TBC1D8: variants seen among roughly 807,000 people sequenced by gnomAD.
TBC1D8 encodes BUB2-like protein 1.
Under a neutral mutation model 118.8 loss-of-function variants are expected in TBC1D8, and 65 were observed. The ratio of observed to expected loss-of-function variants is 0.55; its 90% CI spans 0.45 to 0.67. The LOEUF (loss-of-function observed/expected upper bound fraction) is 0.67. TBC1D8 is among the 30% of genes least tolerant of loss of function. The pLI is 0.00. For missense variants in TBC1D8, 1,376 were observed against 1,471.2 expected (o/e 0.94, Z 1.06); for synonymous variants, 566 against 595.8 (o/e 0.95, Z 0.73).
chr2:101,068,460 A>C, intron 2 of TBC1D8: 1 of 366,154 alleles, frequency 2.7e-6, no homozygotes, highest in South Asian at 2.9e-5. Flanking sequence ...GCGAAAGTGA[A>C]GTCAATGTTC....
chr2:101,074,787 T>C (rs550256463), intron 2 of TBC1D8, among the ~76,000 whole-genome samples: 15 of 152,222 alleles, frequency 9.9e-5, no homozygotes, highest in South Asian at 4.2e-4. Context: ...AGTTTTACAG[T>C]TGAATTGGAA....
chr2:101,114,789 T>C lies in TBC1D8; in HGVS notation c.128-24425A>G, dbSNP rs149667504. On this transcript the variant is annotated intron_variant, in intron 1 of 19. Coordinates refer to ENST00000409318, the MANE Select transcript of TBC1D8 (RefSeq NM_001330348.2). The stretch of plus-strand genomic sequence containing the variant: ...CTCTCAGACACTGTCTTCTCTTCTG[T>C]AGGGTCATTCATATGGGAATTTAAC... Among the ~76,000 whole-genome samples, 207 of 152,330 alleles carry C rather than the reference T, an allele frequency of 1.4e-3. 2 individuals carry two copies. The Middle Eastern group carries it at 0.017, about 13-fold the overall frequency.
chr2:101,141,766 T>A (rs576338821), intron 1 of TBC1D8, among the ~76,000 whole-genome samples: 1 of 144,340 alleles, frequency 6.9e-6, no homozygotes, highest in African/African-American at 2.6e-5. Context: ...ATACATACAA[T>A]TGAAAAAGAA....
chr2:101,029,385 C>CT, intron 12 of TBC1D8, 106 bp downstream of exon 12: 1 of 1,271,984 alleles, frequency 7.9e-7, no homozygotes. Context: ...GAGTGAGACT[C>CT]TGTCTCAATA....
At chr2:101,061,164 G>A (rs10195965) in intron 2 of TBC1D8, among the ~76,000 whole-genome samples, 17,741 of 145,042 alleles carry the variant, frequency 0.12, 1,272 homozygotes, top group Non-Finnish European at 0.16. Context: ...ATCCAGCCTG[G>A]GTGACAGAGC....
chr2:101,057,669 A>G (rs1682517535), intron 3 of TBC1D8, among the ~76,000 whole-genome samples: 1 of 152,108 alleles, frequency 6.6e-6, no homozygotes, highest in Non-Finnish European at 1.5e-5. Context: ...ACAAAAAATA[A>G]AAACATTAGC....
In TBC1D8 at chr2:101,090,292, T is replaced by C; in HGVS notation, c.200A>G (p.Gln67Arg). Residue 67 changes from glutamine (Q) to arginine (R), a missense_variant, in exon 2 of 20, where the codon CAA becomes CGA. By Grantham distance (43) the Gln-to-Arg change is conservative (BLOSUM62 1). Transcript: ENST00000409318. ...AGAATAAACCTGGGAGCCGGGAACT[T>C]GAAGCAGAATTCGAAATGGAGCGAC... ...ARVAPFRILL[Q>R]VPGSQVYSPI... 1 of 1,613,964 alleles carries C rather than the reference T, an allele frequency of 6.2e-7. No homozygotes were observed.
intron 4 of TBC1D8, among the ~76,000 whole-genome samples, 181 bp from the exon 5 acceptor site, chr2:101,050,822 T>C (rs1682026975): frequency 6.6e-6 from 1 of 152,198 alleles, no homozygotes; most frequent in African/African-American, 2.4e-5. Context: ...TAAACTCATG[T>C]CATGCGGGTT....
intron 1 of TBC1D8, among the ~76,000 whole-genome samples, chr2:101,095,229 C>T (rs1031613498): frequency 2.0e-5 from 3 of 148,240 alleles, no homozygotes; most frequent in African/African-American, 5.0e-5. Flanking sequence ...TAAAGGCCAA[C>T]GCACCAGAGA....
At position 101,016,133 on chromosome 2, in the gene TBC1D8, C is replaced by G. The variant is rs546561154; in HGVS notation, c.2828-4593G>C. ...AAAGAAACTACCATCAGAGTGAACA[C>G]GCAATCTTCAAAATGGGAGAAAATT... On this transcript the variant is annotated intron_variant, in intron 17 of 19. Coordinates refer to ENST00000409318, the MANE Select transcript of TBC1D8 (RefSeq NM_001330348.2). Among the ~76,000 whole-genome samples the G allele has an allele frequency of 8.5e-5, 13 of 152,112 alleles. 1 individual carries two copies. The highest frequency in any genetic ancestry group is 2.1e-4 in the South Asian group (1 of 4,828).
chr2:101,073,486 G>A (rs972054345), intron 2 of TBC1D8, among the ~76,000 whole-genome samples: 2 of 151,904 alleles, frequency 1.3e-5, no homozygotes, highest in Non-Finnish European at 2.9e-5. Flanking sequence ...AATACAGATG[G>A]GGTTTCACCG....
At position 101,050,539 on chromosome 2, in the gene TBC1D8, T is replaced by C; in HGVS notation, c.734A>G (p.Asp245Gly). Residue 245 changes from aspartate (D) to glycine (G), a missense_variant, in exon 5 of 20, where the codon GAC (aspartate) becomes GGC (glycine). By Grantham distance (94) the Asp-to-Gly change is moderately conservative (BLOSUM62 -1). Coordinates refer to ENST00000409318, the MANE Select transcript of TBC1D8 (RefSeq NM_001330348.2). ...ATCCAGGTTCAGGAACATGGAGAAG[T>C]CACGCTCCTTATTCTGCGTGGTGAT... ...IRITTQNKER[D>G]FSMFLNLDEV... 6.2e-7 allele frequency: 1 copy of C among 1,614,016 alleles called. No individual in the cohort carries two copies. The highest frequency in any genetic ancestry group is 8.5e-7 in the Non-Finnish European group (1 of 1,179,872).
intron 3 of TBC1D8, among the ~76,000 whole-genome samples, chr2:101,057,861 T>C (rs145843653): frequency 1.6e-3 from 250 of 152,308 alleles, no homozygotes; most frequent in African/African-American, 5.7e-3. Context: ...TGTTTTTCTC[T>C]TGTTAATCTT....
At chr2:101,121,262 G>A (rs1175270010) in intron 1 of TBC1D8, among the ~76,000 whole-genome samples, 2 of 152,174 alleles carry the variant, frequency 1.3e-5, no homozygotes, top group African/African-American at 4.8e-5. Context: ...GTGCCTGTTT[G>A]AACGTGTCAT....
chr2:101,091,205 A>T (rs1027394295), intron 1 of TBC1D8, among the ~76,000 whole-genome samples: 1 of 152,142 alleles, frequency 6.6e-6, no homozygotes, highest in African/African-American at 2.4e-5. Context: ...GAATCGCTTG[A>T]TCCCAGCAGG....
At chr2:101,036,202 G>T (rs377715242) in intron 8 of TBC1D8, 34 bp from the exon 9 acceptor site, 21 of 1,602,070 alleles carry the variant, frequency 1.3e-5, no homozygotes, top group Non-Finnish European at 1.7e-5. Flanking sequence ...GTACAAAGAA[G>T]TCTGTCCTCA....
At chr2:101,071,138 G>C (rs1272638219) in intron 2 of TBC1D8, among the ~76,000 whole-genome samples, 2 of 152,100 alleles carry the variant, frequency 1.3e-5, no homozygotes, top group African/African-American at 4.8e-5. Flanking sequence ...AGGAGATGGA[G>C]ACCATCCTGG....
chr2:101,120,916 T>C (rs967928304), intron 1 of TBC1D8, among the ~76,000 whole-genome samples: 10 of 152,122 alleles, frequency 6.6e-5, no homozygotes, highest in African/African-American at 2.2e-4. Flanking sequence ...ACCTGAAAGC[T>C]GAGAGCTGAT....
At chr2:101,063,530 C>T (rs1344446095) in intron 2 of TBC1D8, among the ~76,000 whole-genome samples, 8 of 152,164 alleles carry the variant, frequency 5.3e-5, no homozygotes, top group Admixed American at 1.3e-4. Context: ...CTATTTCCTA[C>T]ACAAGTTGCC....
Sources: allele counts gnomAD v4.1 joint callset (sites outside exome capture counted in the v4.1 genomes callset), GRCh38; gene constraint gnomAD v4.1.1; transcripts MANE v1.5; gene names NCBI Gene and HGNC (gene_info 2026-07-23, HGNC 2026-07-21).